Variants in ARNT2 observed in about 807,000 individuals in gnomAD.
The protein encoded by ARNT2 is ARNT protein 2.
ARNT2 carries 36 observed loss-of-function variants against 91.7 expected under a neutral mutation model. That is an observed-to-expected ratio of 0.39 (90% CI 0.30 to 0.52). The LOEUF (loss-of-function observed/expected upper bound fraction) is 0.52. Among genes scored for constraint, ARNT2 ranks in the 20% least tolerant of loss-of-function variants. The pLI is 0.72. For synonymous variants in ARNT2, 365 were observed against 347.1 expected (o/e 1.05, Z -0.57); for missense variants, 775 against 939.3 (o/e 0.83, Z 2.29).
At chr15:80,427,163 A>C (rs1020399) in intron 1 of ARNT2, among the ~76,000 whole-genome samples, 137,610 of 152,136 alleles carry the variant, frequency 0.9, 62,248 homozygotes, top group East Asian at 0.95. Flanking sequence ...GCAATAAGGT[A>C]ATAAATTCGG....
chr15:80,465,483 T>A (rs1247623184), intron 3 of ARNT2, among the ~76,000 whole-genome samples: 1 of 152,174 alleles, frequency 6.6e-6, no homozygotes, highest in Non-Finnish European at 1.5e-5. Context: ...CCTGGTGCCA[T>A]CTGCAGCAGG....
At chr15:80,421,291 G>C (rs909442162) in intron 1 of ARNT2, among the ~76,000 whole-genome samples, 1 of 151,954 alleles carries the variant, frequency 6.6e-6, no homozygotes, top group African/African-American at 2.4e-5. Context: ...TATATATTGA[G>C]TACAATGCAC....
At chr15:80,463,575 CTTT>C (rs11358638) in intron 3 of ARNT2, among the ~76,000 whole-genome samples, 24 of 113,178 alleles carry the variant, frequency 2.1e-4, no homozygotes, top group South Asian at 6.0e-4. Context: ...GGGTGATTTC[CTTT>C]TTTTTTTTTT....
intron 1 of ARNT2, among the ~76,000 whole-genome samples, chr15:80,447,334 C>A (rs1249136329): frequency 6.6e-6 from 1 of 152,144 alleles, no homozygotes; most frequent in East Asian, 1.9e-4. Context: ...TCATGAATAC[C>A]CACAGCTGCA....
chr15:80,586,110 T>C (rs1003703482), intron 17 of ARNT2, among the ~76,000 whole-genome samples: 2 of 152,090 alleles, frequency 1.3e-5, no homozygotes, highest in Non-Finnish European at 2.9e-5. Context: ...ATCTGCTTGT[T>C]GATATTACCT....
chr15:80,574,756 A>G lies in ARNT2; in HGVS notation c.1390-231A>G, dbSNP rs567351688. Among the ~76,000 whole-genome samples, 9 of 152,176 alleles carry G rather than the reference A, an allele frequency of 5.9e-5. No individual in the cohort carries two copies. The South Asian group carries it at 1.9e-3, about 32-fold the overall frequency. On this transcript the variant is annotated intron_variant, in intron 13 of 18. Transcript: ENST00000303329. ...TCTCTCTAAGAAAGTAATCAGTGTG[A>G]CTCTGCTGTCCTTCCTCTGACCTTC...
intron 1 of ARNT2, among the ~76,000 whole-genome samples, chr15:80,426,381 G>GT (rs1895932222): frequency 6.6e-6 from 1 of 152,200 alleles, no homozygotes; most frequent in African/African-American, 2.4e-5. Flanking sequence ...TGTATTTCTT[G>GT]TTTTGAGCAC....
intron 10 of ARNT2, among the ~76,000 whole-genome samples, chr15:80,552,996 G>C (rs893567053): frequency 5.9e-5 from 9 of 152,134 alleles, no homozygotes; most frequent in African/African-American, 2.2e-4. Flanking sequence ...TGCCCTCACT[G>C]TTATGTTTCT....
intron 5 of ARNT2, among the ~76,000 whole-genome samples, chr15:80,477,539 CT>C (rs1317907778): frequency 6.6e-6 from 1 of 152,188 alleles, no homozygotes; most frequent in African/African-American, 2.4e-5. Flanking sequence ...TTGTTGTCCC[CT>C]AAGGCCCTTC....
intron 1 of ARNT2, among the ~76,000 whole-genome samples, chr15:80,421,489 A>G (rs1595955321): frequency 1.3e-5 from 2 of 152,190 alleles, no homozygotes; most frequent in African/African-American, 4.8e-5. Context: ...ATTAAAATCA[A>G]TAAAAATAAA....
In ARNT2 at chr15:80,404,560, T is replaced by C. The variant is rs1328073151; in HGVS notation, c.31+14T>C. The C allele has an allele frequency of 1.8e-6, 2 of 1,115,338 alleles. No individual in the cohort carries two copies. The highest frequency in any genetic ancestry group is 2.2e-6 in the Non-Finnish European group (2 of 905,692). 69.1% of individuals were successfully genotyped at this position (1,115,338 alleles called of 1,614,324 possible). ...TCAACCCTCCGGGTGAGTAGCGGCC[T>C]GGGCCCCGCCGCCCGCCGCAGCCCG... On this transcript the variant is annotated intron_variant, in intron 1 of 18. Transcript: ENST00000303329. This position sits in a 1 kb window ranked among gnomAD's most constrained non-coding sequence, Gnocchi z 5.5.
At chr15:80,554,154 A>C (rs1370734792) in intron 10 of ARNT2, among the ~76,000 whole-genome samples, 1 of 152,224 alleles carries the variant, frequency 6.6e-6, no homozygotes, top group Admixed American at 6.5e-5. Context: ...CATGCCTGTA[A>C]TTCTAGCACT....
chr15:80,407,402 A>G (rs1895616560), intron 1 of ARNT2, among the ~76,000 whole-genome samples: 1 of 152,152 alleles, frequency 6.6e-6, no homozygotes, highest in Admixed American at 6.5e-5. Context: ...ACAGGTCCAA[A>G]TTTGGAATCT....
intron 17 of ARNT2, among the ~76,000 whole-genome samples, chr15:80,587,144 T>G (rs1893186891): frequency 6.6e-6 from 1 of 152,246 alleles, no homozygotes. Context: ...TGATCCTTGC[T>G]GTAAGGTGCG....
chr15:80,551,278 A>C lies in ARNT2; in HGVS notation c.954+3A>C. The stretch of plus-strand genomic sequence containing the variant: ...TCGTGGCAATTGGGAGACTCCAGGT[A>C]AGAAAAAATTCGTAGCCTTTTTAAT... On this transcript the variant is annotated splice_donor_region_variant and intron_variant, in intron 9 of 18. Transcript: ENST00000303329. 2 of 1,613,084 alleles carry C rather than the reference A, an allele frequency of 1.2e-6. No individual in the cohort carries two copies. Among genetic ancestry groups the C allele is most frequent in the Non-Finnish European group, 1.7e-6 (2 of 1,179,100 alleles).
chr15:80,484,258 G>T (rs1896932216), intron 5 of ARNT2, among the ~76,000 whole-genome samples: 1 of 151,584 alleles, frequency 6.6e-6, no homozygotes, highest in East Asian at 1.9e-4. Flanking sequence ...GTTCAAAATA[G>T]AAATAAAGCA....
At chr15:80,421,241 T>G (rs1412608162) in intron 1 of ARNT2, among the ~76,000 whole-genome samples, 1 of 152,080 alleles carries the variant, frequency 6.6e-6, no homozygotes, top group Non-Finnish European at 1.5e-5. Context: ...TAATGGACAT[T>G]GGAGACTCAG....
intron 3 of ARNT2, among the ~76,000 whole-genome samples, chr15:80,468,400 G>A (rs1021195850): frequency 6.6e-6 from 1 of 151,908 alleles, no homozygotes; most frequent in Non-Finnish European, 1.5e-5. Context: ...GTCCAGCAAG[G>A]TTTCCCAGCT....
At position 80,592,593 on chromosome 15, in the gene ARNT2, C is replaced by T. The variant is rs116527750; in HGVS notation, c.2055+889C>T. ...CCCTCATCCCAAGCCCCTCTCCTGC[C>T]GGGGTCAGCTGTGTCTTCACAGACA... On this transcript the variant is annotated intron_variant, in intron 18 of 18. Coordinates refer to ENST00000303329, the MANE Select transcript of ARNT2 (RefSeq NM_014862.4). Among the ~76,000 whole-genome samples the T allele has an allele frequency of 2.3e-3, 349 of 152,328 alleles. 1 individual carries two copies. The highest frequency in any genetic ancestry group is 8.0e-3 in the African/African-American group (334 of 41,576).
Sources: gnomAD v4.1 joint callset for allele counts (sites outside exome capture counted in the v4.1 genomes callset) on GRCh38, gnomAD v4.1.1 for gene constraint, Gnocchi (gnomAD v3.1) non-coding constraint, MANE v1.5 for transcripts, NCBI Gene and HGNC (gene_info 2026-07-23, HGNC 2026-07-21) for gene names.